AP2A2: variants seen among roughly 807,000 people sequenced by gnomAD.
The protein encoded by AP2A2 is AP-2 complex subunit alpha-2.
A neutral mutation model predicts 104.2 loss-of-function variants in AP2A2; 32 were observed. The ratio of observed to expected loss-of-function variants is 0.31; its 90% CI spans 0.23 to 0.41. The LOEUF is 0.41. Among genes scored for constraint, AP2A2 ranks in the 10% least tolerant of loss-of-function variants. The pLI is 1.00. For synonymous variants in AP2A2, 539 were observed against 533.3 expected, an observed-to-expected ratio of 1.01 and a Z score of -0.15; for missense variants, 912 against 1,261.0, an observed-to-expected ratio of 0.72 and a Z score of 4.19.
rs751514455 is a variant in AP2A2 at position 1,003,773 on chromosome 11, T to C, written c.2175T>C (p.Ile725=). ...GVLFENQLLQ[I]GLKSEFRQNL... is the part of the protein sequence containing the mutation. ...TGTTTGAAAACCAGCTGCTTCAAAT[T>C]GGACTTAAGTCTGAATTTCGGCAGA... The change falls in exon 16 of 22, where the codon ATT becomes ATC. Residue 725 remains isoleucine, a synonymous_variant. Transcript: ENST00000448903. The C allele has an allele frequency of 6.2e-7, 1 of 1,607,672 alleles. No homozygotes were observed. The highest frequency in any genetic ancestry group is 1.1e-5 in the South Asian group (1 of 89,170).
chr11:951,840 A>C (rs533115049), intron 1 of AP2A2, among the ~76,000 whole-genome samples: 1 of 152,216 alleles, frequency 6.6e-6, no homozygotes, highest in South Asian at 2.1e-4. Context: ...GGGCTTGGTC[A>C]ATTTTGGGCT....
At chr11:964,401 C>T (rs1175764410) in intron 2 of AP2A2, among the ~76,000 whole-genome samples, 1 of 152,116 alleles carries the variant, frequency 6.6e-6, no homozygotes, top group Non-Finnish European at 1.5e-5. Context: ...TCTGTAGGCT[C>T]CATTTTAGAT....
chr11:949,263 G>C (rs1456986898), intron 1 of AP2A2, among the ~76,000 whole-genome samples: 1 of 152,022 alleles, frequency 6.6e-6, no homozygotes, highest in African/African-American at 2.4e-5. Context: ...GCGACAGAGA[G>C]AGACTCTGTC....
At position 1,011,885 on chromosome 11, in the gene AP2A2, CG is replaced by C. The variant is rs1177510446; in HGVS notation, c.*1262del. 4 of 194,904 alleles carry C rather than the reference CG, an allele frequency of 2.1e-5. No individual in the cohort carries two copies. The highest frequency in any genetic ancestry group is 9.5e-5 in the African/African-American group (4 of 42,032). 12.1% of individuals were successfully genotyped at this position (194,904 alleles called of 1,614,324 possible). On this transcript the variant is annotated 3_prime_UTR_variant, in exon 22 of 22. Coordinates refer to ENST00000448903, the MANE Select transcript of AP2A2 (RefSeq NM_012305.4). ...CAGTGTGTGCACCCCACAATGTCTGCGGCTCTTCTTCCGGCGTGTCGGGCTT... is the reference window on the plus strand; with the variant it reads ...CAGTGTGTGCACCCCACAATGTCTGCGCTCTTCTTCCGGCGTGTCGGGCTT...
At chr11:943,176 T>A (rs972364971) in intron 1 of AP2A2, 7 of 152,196 alleles carry the variant, frequency 4.6e-5, no homozygotes, top group African/African-American at 1.4e-4. Flanking sequence ...AAGAAGGGCT[T>A]TATTCGGCCG....
At chr11:999,439 G>A (rs1855957563) in intron 14 of AP2A2, among the ~76,000 whole-genome samples, 1 of 152,212 alleles carries the variant, frequency 6.6e-6, no homozygotes, top group Non-Finnish European at 1.5e-5. Context: ...TTGAGGTGGA[G>A]GTTGCAGTGA....
rs549243302 is a variant in AP2A2 at position 1,008,955 on chromosome 11, C to T, written c.2421-145C>T. ...ACTGGACACTGAGCCACACACGATC[C>T]GTGGGGACTGAAGGCTCGGCCCCCC... On this transcript the variant is annotated intron_variant, in intron 18 of 21. Transcript: ENST00000448903. 1.5e-3 allele frequency: 939 copies of T among 645,622 alleles called. 2 individuals carry two copies. Among genetic ancestry groups the T allele is most frequent in the Non-Finnish European group, 2.0e-3 (731 of 368,992 alleles). The allele number at this position is 645,622 out of a possible 1,614,324, so 40.0% of individuals were successfully genotyped here. A position where few individuals can be genotyped will look rare whatever the true frequency, so the allele number is the denominator to read the frequency against.
intron 14 of AP2A2, 118 bp from the exon 15 acceptor site, chr11:1,000,314 A>T: frequency 1.0e-6 from 1 of 989,868 alleles, no homozygotes. Flanking sequence ...TGCCCCAGCC[A>T]CTGGGAGTGC....
intron 1 of AP2A2, among the ~76,000 whole-genome samples, chr11:935,259 A>G (rs563506968): frequency 6.6e-6 from 1 of 152,114 alleles, no homozygotes; most frequent in Non-Finnish European, 1.5e-5. Flanking sequence ...GACTTTCACC[A>G]TGTTGACCAG....
At chr11:931,682 G>A (rs1426967633) in intron 1 of AP2A2, among the ~76,000 whole-genome samples, 2 of 152,104 alleles carry the variant, frequency 1.3e-5, no homozygotes, top group African/African-American at 4.8e-5. Context: ...TGGCAAAAAT[G>A]AATTTCCATG....
chr11:963,940 T>G (rs564329390), intron 2 of AP2A2, among the ~76,000 whole-genome samples: 1 of 152,252 alleles, frequency 6.6e-6, no homozygotes, highest in African/African-American at 2.4e-5. Context: ...GGAGTGTGGG[T>G]CCACTCGTGG....
At chr11:984,308 G>T (rs1180988837) in intron 6 of AP2A2, among the ~76,000 whole-genome samples, 2 of 152,050 alleles carry the variant, frequency 1.3e-5, no homozygotes, top group African/African-American at 4.8e-5. Context: ...GGGGGTGGGG[G>T]TGCTTCTTCC....
At chr11:944,466 A>G (rs10751670) in intron 1 of AP2A2, among the ~76,000 whole-genome samples, 132,840 of 152,070 alleles carry the variant, frequency 0.87, 58,158 homozygotes, top group Middle Eastern at 0.95. Flanking sequence ...GACAGAGATC[A>G]AAAAGAAAAA....
At chr11:947,663 G>A (rs1160180298) in intron 1 of AP2A2, among the ~76,000 whole-genome samples, 1 of 152,002 alleles carries the variant, frequency 6.6e-6, no homozygotes, top group African/African-American at 2.4e-5. Flanking sequence ...GGGCATGGTG[G>A]CGTACTTGGA....
intron 10 of AP2A2, 104 bp downstream of exon 10, chr11:988,793 A>C: frequency 7.1e-7 from 1 of 1,416,410 alleles, no homozygotes; most frequent in Non-Finnish European, 9.7e-7. Context: ...CTTGATTGAG[A>C]ACCCATGAGA....
chr11:949,368 C>G (rs1450505749), intron 1 of AP2A2, among the ~76,000 whole-genome samples: 10 of 152,120 alleles, frequency 6.6e-5, no homozygotes, highest in Admixed American at 6.6e-4. Flanking sequence ...TATGCTGATA[C>G]CAAAACTAGA....
intron 10 of AP2A2, among the ~76,000 whole-genome samples, chr11:991,038 C>T (rs1301219791): frequency 5.3e-5 from 5 of 93,824 alleles, no homozygotes; most frequent in Admixed American, 9.9e-5. Context: ...CAGCCGGGCA[C>T]GATGCTCCCC....
intron 1 of AP2A2, among the ~76,000 whole-genome samples, chr11:951,259 A>G (rs1854043039): frequency 6.6e-6 from 1 of 151,812 alleles, no homozygotes; most frequent in African/African-American, 2.4e-5. Flanking sequence ...GAGGCCAGGC[A>G]CTCCCAGCTG....
intron 21 of AP2A2, 113 bp downstream of exon 21, chr11:1,009,930 T>G: frequency 7.5e-7 from 1 of 1,333,756 alleles, no homozygotes; most frequent in South Asian, 1.4e-5. Context: ...TGACAGATGT[T>G]GTTTAACCAC....
Sources: allele counts gnomAD v4.1 joint callset (sites outside exome capture counted in the v4.1 genomes callset), GRCh38; gene constraint gnomAD v4.1.1; transcripts MANE v1.5; gene names NCBI Gene and HGNC (gene_info 2026-07-23, HGNC 2026-07-21).